PGR: variants seen among roughly 807,000 people sequenced by gnomAD.
PGR encodes progesterone receptor.
A neutral mutation model predicts 76.1 loss-of-function variants in PGR; 25 were observed. That is an observed-to-expected ratio of 0.33 (90% CI 0.24 to 0.46). The LOEUF (loss-of-function observed/expected upper bound fraction) is 0.46. Among genes scored for constraint, PGR ranks in the 20% least tolerant of loss-of-function variants. The probability of loss-of-function intolerance (pLI) is 1.00; values close to 1 mark genes in which losing one functional copy is unlikely to be tolerated. For synonymous variants in PGR, 579 were observed against 535.0 expected (o/e 1.08, Z -1.14); for missense variants, 1,172 against 1,225.3 (o/e 0.96, Z 0.65).
At chr11:101,062,426 G>A in intron 4 of PGR, 21 bp downstream of exon 4, 1 of 1,553,288 alleles carries the variant, frequency 6.4e-7, no homozygotes. Context: ...ATTACATGCT[G>A]TATATAAAAA....
chr11:101,119,661 A>G (rs1236346377), intron 2 of PGR, among the ~76,000 whole-genome samples: 2 of 152,226 alleles, frequency 1.3e-5, no homozygotes, highest in Non-Finnish European at 1.5e-5. Context: ...CTTTGTCCCA[A>G]TAAAAATCTC....
At chr11:101,048,282 A>C (rs1859960134) in intron 6 of PGR, among the ~76,000 whole-genome samples, 1 of 152,174 alleles carries the variant, frequency 6.6e-6, no homozygotes, top group Non-Finnish European at 1.5e-5. Flanking sequence ...TTATATAGTA[A>C]ATACTTTGGG....
chr11:101,068,536 A>G (rs1028815895), intron 3 of PGR, among the ~76,000 whole-genome samples: 15 of 152,188 alleles, frequency 9.9e-5, no homozygotes, highest in Non-Finnish European at 2.1e-4. Context: ...TTCATATGGA[A>G]CCAAAAAAGA....
chr11:101,044,662 C>T (rs1313076818), intron 6 of PGR, among the ~76,000 whole-genome samples: 2 of 149,374 alleles, frequency 1.3e-5, no homozygotes, highest in South Asian at 2.1e-4. Flanking sequence ...TACTGGAACA[C>T]TGAGAGGCCA....
chr11:101,054,129 C>T (rs1448475286), intron 4 of PGR, among the ~76,000 whole-genome samples: 1 of 152,178 alleles, frequency 6.6e-6, no homozygotes, highest in African/African-American at 2.4e-5. Flanking sequence ...TGCCCATATT[C>T]TAAGCTTGTC....
intron 2 of PGR, among the ~76,000 whole-genome samples, chr11:101,094,108 T>C (rs1861762857): frequency 6.6e-6 from 1 of 152,160 alleles, no homozygotes; most frequent in South Asian, 2.1e-4. Flanking sequence ...TGCTCTCTCA[T>C]TATTTTTCCA....
rs1481938647 is a variant in PGR, at chr11:101,033,571, T to C, written c.*5545A>G. On this transcript the variant is annotated 3_prime_UTR_variant, in exon 8 of 8. Coordinates refer to ENST00000325455, the MANE Select transcript of PGR (RefSeq NM_000926.4). ...TCTGTGTGGATATAATTGTTATTCA[T>C]GCTGCTCAGCAGCTTTCATTGATAT... is the stretch of plus-strand genomic sequence containing the variant. 5.1e-6 allele frequency: 1 copy of C among 195,672 alleles called. No individual in the cohort carries two copies. The highest frequency in any genetic ancestry group is 2.3e-5 in the African/African-American group (1 of 43,346). The allele number at this position is 195,672 out of a possible 1,614,324, so 12.1% of individuals were successfully genotyped here. A position where few individuals can be genotyped will look rare whatever the true frequency, so the allele number is the denominator to read the frequency against.
intron 1 of PGR, among the ~76,000 whole-genome samples, chr11:101,126,646 T>G (rs1267787173): frequency 6.6e-6 from 1 of 152,228 alleles, no homozygotes; most frequent in Non-Finnish European, 1.5e-5. Flanking sequence ...CATTTTAAAG[T>G]ATTGTCCAAT....
chr11:101,068,869 A>G (rs912905794), intron 3 of PGR, among the ~76,000 whole-genome samples: 20 of 152,230 alleles, frequency 1.3e-4, no homozygotes, highest in African/African-American at 4.8e-4. Context: ...AAATTAACTC[A>G]AGATGGACTA....
chr11:101,106,058 C>T (rs1039031505), intron 2 of PGR, among the ~76,000 whole-genome samples: 1 of 152,120 alleles, frequency 6.6e-6, no homozygotes, highest in African/African-American at 2.4e-5. Context: ...CTTCCTAACA[C>T]CTTATACAAA....
chr11:101,094,774 G>T (rs537950355), intron 2 of PGR, among the ~76,000 whole-genome samples: 1 of 152,210 alleles, frequency 6.6e-6, no homozygotes, highest in Non-Finnish European at 1.5e-5. Flanking sequence ...CTTCCTTCTT[G>T]CTATGGTTTG....
intron 3 of PGR, among the ~76,000 whole-genome samples, chr11:101,073,046 T>A (rs897599969): frequency 2.0e-5 from 3 of 152,234 alleles, no homozygotes; most frequent in African/African-American, 7.2e-5. Context: ...ACATTGCACT[T>A]ATTCTAAAAT....
Position 101,063,820 on chromosome 11 carries a change from C to T in PGR, c.1907-1068G>A, listed in dbSNP as rs149331846. 4 of 152,294 alleles carry T rather than the reference C, an allele frequency of 2.6e-5. No individual in the cohort carries two copies. In the East Asian group the frequency reaches 7.7e-4, roughly 29 times the overall value. 9.4% of individuals were successfully genotyped at this position (152,294 alleles called of 1,614,324 possible). On this transcript the variant is annotated intron_variant, in intron 3 of 7. Transcript: ENST00000325455. ...CGTGAATTACTTAGGTGGCAACAAT[C>T]TGTTAAAGTTTAGTTGCAATGGTTG... is the stretch of plus-strand genomic sequence containing the variant.
chr11:101,091,680 A>G (rs1861678831), intron 3 of PGR, 80 bp downstream of exon 3: 1 of 820,892 alleles, frequency 1.2e-6, no homozygotes, highest in Admixed American at 1.7e-5. Flanking sequence ...AAAGATGAAT[A>G]AGAAATTGCA....
At chr11:101,115,793 G>T (rs1041821025) in intron 2 of PGR, among the ~76,000 whole-genome samples, 8 of 151,924 alleles carry the variant, frequency 5.3e-5, no homozygotes, top group African/African-American at 1.4e-4. Context: ...AAGAATAAAT[G>T]ATAAGAATTG....
intron 6 of PGR, among the ~76,000 whole-genome samples, chr11:101,046,292 ATTTTTTTTTTTTTTTTTTTTTTTTTTTT>A (rs540943297): frequency 1.5e-5 from 1 of 66,288 alleles, no homozygotes; most frequent in Non-Finnish European, 2.5e-5. Flanking sequence ...CGCCTGGCTA[ATTTTTTTTTTTTTTTTTTTTTTTTTTTT>A]TTTTTTTTTT....
intron 2 of PGR, among the ~76,000 whole-genome samples, chr11:101,118,601 G>T (rs1468833139): frequency 3.3e-5 from 5 of 152,058 alleles, no homozygotes; most frequent in East Asian, 1.9e-4. Flanking sequence ...TAAAAATAAA[G>T]CTCAAAACCT....
intron 3 of PGR, among the ~76,000 whole-genome samples, chr11:101,086,927 A>G (rs1861519511): frequency 6.6e-6 from 1 of 152,206 alleles, no homozygotes; most frequent in Non-Finnish European, 1.5e-5. Context: ...TGCTAAAAGA[A>G]ATCACAGATG....
chr11:101,093,570 C>T (rs1055638807), intron 2 of PGR, among the ~76,000 whole-genome samples: 1 of 152,172 alleles, frequency 6.6e-6, no homozygotes, highest in African/African-American at 2.4e-5. Flanking sequence ...AAGGAACTTT[C>T]CTGCCTCAGC....
Sources: allele counts gnomAD v4.1 joint callset (sites outside exome capture counted in the v4.1 genomes callset), GRCh38; gene constraint gnomAD v4.1.1; transcripts MANE v1.5; gene names NCBI Gene and HGNC (gene_info 2026-07-23, HGNC 2026-07-21).